IL18RAP: variants seen among roughly 807,000 people sequenced by gnomAD.
IL18RAP encodes interleukin-18 receptor accessory protein.
A neutral mutation model predicts 58.1 loss-of-function variants in IL18RAP; 37 were observed. That is an observed-to-expected ratio of 0.64 (90% confidence interval 0.49 to 0.84). IL18RAP has a LOEUF of 0.84. Ranked by LOEUF, IL18RAP falls within the 40% of genes least tolerant of loss-of-function variation. IL18RAP has a pLI of 0.00. For missense variants in IL18RAP, 667 were observed against 704.8 expected (o/e 0.95, Z 0.61); for synonymous variants, 268 against 257.5 (o/e 1.04, Z -0.39).
At position 102,452,388 on chromosome 2, in the gene IL18RAP, T is replaced by C; in HGVS notation, c.*207T>C. The C allele has an allele frequency of 1.9e-6, 1 of 521,940 alleles. No individual in the cohort carries two copies. Among genetic ancestry groups the C allele is most frequent in the Non-Finnish European group, 3.3e-6 (1 of 298,676 alleles). 32.3% of individuals were successfully genotyped at this position (521,940 alleles called of 1,614,324 possible). A position where few individuals can be genotyped will look rare whatever the true frequency, so the allele number is the denominator to read the frequency against. ...CTGGACTGGACTGACGGCGAGTGAA[T>C]TCTCTAGACCTTGGGTACTTTCAGT... On this transcript the variant is annotated 3_prime_UTR_variant, in exon 10 of 10. Transcript: ENST00000687160.
intron 3 of IL18RAP, among the ~76,000 whole-genome samples, chr2:102,430,716 A>G (rs535377948): frequency 6.6e-6 from 1 of 152,052 alleles, no homozygotes; most frequent in African/African-American, 2.4e-5. Flanking sequence ...TTGTGCCACT[A>G]CTACACGTTT....
chr2:102,430,124 CT>C, intron 3 of IL18RAP, among the ~76,000 whole-genome samples: 1 of 152,068 alleles, frequency 6.6e-6, no homozygotes, highest in Admixed American at 6.5e-5. Context: ...AGTTTATTTT[CT>C]GTTTAAATGA....
rs747771157 is a variant in IL18RAP at position 102,445,345 on chromosome 2, G to C, written c.1072+5G>C. 8.1e-6 allele frequency: 13 copies of C among 1,613,638 alleles called. No individual in the cohort carries two copies. The highest frequency in any genetic ancestry group is 1.1e-5 in the Non-Finnish European group (13 of 1,179,664). ...AACTGAAAGAAAAGAGAGGAGGTAA[G>C]CCCAGAAGGTTGCCCAGGAGGCATG... On this transcript the variant is annotated splice_donor_5th_base_variant and intron_variant, in intron 7 of 9. Coordinates refer to ENST00000687160, the MANE Select transcript of IL18RAP (RefSeq NM_001393487.1).
At chr2:102,445,373 A>T in intron 7 of IL18RAP, 33 bp downstream of exon 7, 1 of 1,604,068 alleles carries the variant, frequency 6.2e-7, no homozygotes, top group Non-Finnish European at 8.5e-7. Flanking sequence ...GAGGCATGAA[A>T]CTGCTTTCAC....
At chr2:102,428,786 G>A (rs1401575235) in intron 3 of IL18RAP, among the ~76,000 whole-genome samples, 1 of 151,832 alleles carries the variant, frequency 6.6e-6, no homozygotes, top group Non-Finnish European at 1.5e-5. Flanking sequence ...TTGTTAATCT[G>A]TTCTTAGAGG....
intron 3 of IL18RAP, chr2:102,432,505 G>A (rs1242234621): frequency 6.5e-6 from 1 of 154,426 alleles, no homozygotes; most frequent in Non-Finnish European, 1.5e-5. Flanking sequence ...AACAGGCTAG[G>A]CCCTGAGGCA....
At chr2:102,420,590 A>G (rs945284135), upstream of IL18RAP, among the ~76,000 whole-genome samples, 11 of 152,204 alleles carry the variant, frequency 7.2e-5, no homozygotes, top group African/African-American at 2.2e-4. Context: ...CTAATTTGCT[A>G]TAGGCTTGGA....
chr2:102,430,723 G>A (rs1298036211), intron 3 of IL18RAP, among the ~76,000 whole-genome samples: 1 of 152,012 alleles, frequency 6.6e-6, no homozygotes, highest in East Asian at 1.9e-4. Context: ...ACTACTACAC[G>A]TTTTTGTTTT....
At chr2:102,428,528 A>G (rs1035973782) in intron 3 of IL18RAP, among the ~76,000 whole-genome samples, 1 of 151,824 alleles carries the variant, frequency 6.6e-6, no homozygotes, top group African/African-American at 2.4e-5. Context: ...CAGTACAGGG[A>G]AACACTGCTA....
In IL18RAP at chr2:102,424,051, T is replaced by C; in HGVS notation, c.311T>C (p.Ile104Thr). The C allele has an allele frequency of 6.2e-7, 1 of 1,614,082 alleles. No individual in the cohort carries two copies. Among genetic ancestry groups the C allele is most frequent in the Non-Finnish European group, 8.5e-7 (1 of 1,179,994 alleles). The change falls in exon 2 of 10, where the codon ATC (isoleucine) becomes ACC (threonine). Residue 104 changes from isoleucine to threonine, a missense_variant. Physicochemically the swap from Ile to Thr is moderately conservative, Grantham distance 89 (BLOSUM62 -1). Coordinates refer to ENST00000687160, the MANE Select transcript of IL18RAP (RefSeq NM_001393487.1). ...GACATTAGGAAAAGCTATCCTCACA[T>C]CATTCAGGACAAATGTACCCTTCAC... is the stretch of plus-strand genomic sequence containing the variant. ...LEDIRKSYPH[I>T]IQDKCTLHFL...
chr2:102,442,409 T>C (rs1328974031), intron 5 of IL18RAP, among the ~76,000 whole-genome samples: 2 of 151,006 alleles, frequency 1.3e-5, no homozygotes, highest in African/African-American at 4.9e-5. Context: ...ATGGCAGGAG[T>C]GGTGTGTTCT....
intron 4 of IL18RAP, chr2:102,439,874 C>T (rs528328930): frequency 3.3e-5 from 5 of 152,118 alleles, no homozygotes; most frequent in East Asian, 1.9e-4. Flanking sequence ...TGAAGATGAT[C>T]GATTTTTACA....
chr2:102,422,740 T>C (rs1681653478), upstream of IL18RAP, among the ~76,000 whole-genome samples: 1 of 152,188 alleles, frequency 6.6e-6, no homozygotes, highest in Non-Finnish European at 1.5e-5. Context: ...CTCTATTCTC[T>C]AATAGAATAG....
At chr2:102,449,448 T>G (rs6543137) in intron 8 of IL18RAP, among the ~76,000 whole-genome samples, 117,817 of 152,124 alleles carry the variant, frequency 0.77, 46,635 homozygotes, top group African/African-American at 0.89. Flanking sequence ...TGGAGCTGGC[T>G]TAGAAGAGTC....
In IL18RAP at chr2:102,437,314, A is replaced by G. The variant is rs1168334051; in HGVS notation, c.682A>G (p.Thr228Ala). 4.3e-6 allele frequency: 7 copies of G among 1,613,760 alleles called. No individual in the cohort carries two copies. The highest frequency in any genetic ancestry group is 3.3e-4 in the Middle Eastern group (2 of 6,062). The change falls in exon 4 of 10, where the codon ACT becomes GCT. Residue 228 changes from threonine (T) to alanine (A), a missense_variant. Physicochemically the swap from Thr to Ala is moderately conservative, Grantham distance 58. Transcript: ENST00000687160. Reference protein sequence around the residue: ...TYVCDYTQSDTVSSWTVRAVV... With the variant: ...TYVCDYTQSDAVSSWTVRAVV... ...TGTATGTGATTACACTCAGTCGGAT[A>G]CTGTGAGTTCGTGGACAGTCAGAGC...
intron 3 of IL18RAP, among the ~76,000 whole-genome samples, chr2:102,435,906 T>C (rs1461873814): frequency 1.3e-5 from 2 of 151,786 alleles, no homozygotes; most frequent in East Asian, 3.9e-4. Context: ...TTCATTCAGA[T>C]TCACAGTGGC....
At chr2:102,450,175 C>T (rs559169352) in intron 8 of IL18RAP, among the ~76,000 whole-genome samples, 1 of 398 alleles carries the variant, frequency 2.5e-3, no homozygotes, top group South Asian at 0.045. Context: ...TCCTTAGTCT[C>T]AGTAATCATA....
chr2:102,452,268 G>T lies in IL18RAP; in HGVS notation c.*87G>T. On this transcript the variant is annotated 3_prime_UTR_variant, in exon 10 of 10. Coordinates refer to ENST00000687160, the MANE Select transcript of IL18RAP (RefSeq NM_001393487.1). ...CACAGCTCTGTGTGTGTGTGTTCAG[G>T]CTGATAGGAAATTCAAAGAGTCTCC... 2.3e-6 allele frequency: 3 copies of T among 1,287,016 alleles called. No individual in the cohort carries two copies. The highest frequency in any genetic ancestry group is 2.1e-6 in the Non-Finnish European group (2 of 930,754). The allele number at this position is 1,287,016 out of a possible 1,614,324, so 79.7% of individuals were successfully genotyped here. A position where few individuals can be genotyped will look rare whatever the true frequency, so the allele number is the denominator to read the frequency against.
intron 8 of IL18RAP, among the ~76,000 whole-genome samples, chr2:102,449,727 A>G (rs1196172892): frequency 2.0e-5 from 3 of 152,218 alleles, no homozygotes; most frequent in Non-Finnish European, 2.9e-5. Flanking sequence ...AAATAAATGT[A>G]GTTTCCAGGT....
Sources: gnomAD v4.1 joint callset for allele counts (sites outside exome capture counted in the v4.1 genomes callset) on GRCh38, gnomAD v4.1.1 for gene constraint, MANE v1.5 for transcripts, NCBI Gene and HGNC (gene_info 2026-07-23, HGNC 2026-07-21) for gene names.